The following DMXL1 variants were observed in gnomAD, a reference collection of about 807,000 sequenced individuals.
DMXL1 encodes the protein dmX-like protein 1.
DMXL1 carries 99 observed loss-of-function variants against 319.2 expected under a neutral mutation model. The observed-to-expected ratio is 0.31, with a 90% CI of 0.26 to 0.37. The LOEUF (loss-of-function observed/expected upper bound fraction) is 0.37, where lower values mean the gene tolerates loss of function less well. DMXL1 is among the 10% of genes least tolerant of loss of function. The probability of loss-of-function intolerance (pLI) is 1.00; values close to 1 mark genes in which losing one functional copy is unlikely to be tolerated. For synonymous variants in DMXL1, 1,385 were observed against 1,235.2 expected, an observed-to-expected ratio of 1.12 and a Z score of -2.54; for missense variants, 3,745 against 3,595.6, an observed-to-expected ratio of 1.04 and a Z score of -1.06.
intron 35 of DMXL1, among the ~76,000 whole-genome samples, chr5:119,217,273 T>A (rs1404211466): frequency 1.3e-5 from 2 of 152,214 alleles, no homozygotes; most frequent in Non-Finnish European, 2.9e-5. Flanking sequence ...ACTATAGTAG[T>A]TAACCCACAG....
At chr5:119,157,554 C>T (rs1187088875) in intron 19 of DMXL1, among the ~76,000 whole-genome samples, 1 of 152,136 alleles carries the variant, frequency 6.6e-6, no homozygotes, top group East Asian at 1.9e-4. Context: ...ATCTAGTTTT[C>T]CCAGCACCAT....
chr5:119,237,351 A>T lies in DMXL1; in HGVS notation c.8496A>T (p.Leu2832Phe), dbSNP rs1418334542. 10 of 1,599,578 alleles carry T rather than the reference A, an allele frequency of 6.3e-6. No homozygotes were observed. The South Asian group carries it at 7.9e-5, about 13-fold the overall frequency. Reference sequence around the variant, plus strand: ...GAATAGTTGATGCTGATGGATATTTAAGTTTGTATCAAACAAACTGGAAAT... The same window carrying T: ...GAATAGTTGATGCTGATGGATATTTTAGTTTGTATCAAACAAACTGGAAAT... Reference protein sequence around the residue: ...KFGIVDADGYLSLYQTNWKCC... With the variant: ...KFGIVDADGYFSLYQTNWKCC... Residue 2832 changes from leucine to phenylalanine, a missense_variant, in exon 40 of 44, where the codon TTA becomes TTT. Coordinates refer to ENST00000539542, the MANE Select transcript of DMXL1 (RefSeq NM_001290321.3).
chr5:119,116,092 T>G (rs1760779396), intron 6 of DMXL1, 66 bp from the exon 7 acceptor site: 1 of 1,448,654 alleles, frequency 6.9e-7, no homozygotes, highest in African/African-American at 1.4e-5. Context: ...ATTCTTACTT[T>G]TGCTATTTGA....
intron 25 of DMXL1, among the ~76,000 whole-genome samples, chr5:119,173,797 T>TATATATATATATATATATAA (rs1305561997): frequency 6.9e-5 from 9 of 130,756 alleles, no homozygotes; most frequent in African/African-American, 2.3e-4. Flanking sequence ...TATATATATA[T>TATATATATATATATATATAA]AATGAGAGAG....
chr5:119,171,300 G>A lies in DMXL1; in HGVS notation c.6489+20G>A, dbSNP rs1307051543. The A allele has an allele frequency of 7.7e-6, 12 of 1,553,678 alleles. No homozygotes were observed. The highest frequency in any genetic ancestry group is 5.5e-5 in the African/African-American group (4 of 72,560). ...CAGCAGGTATGTAATTTACTTGATA[G>A]TCAAAAATGGTACATGTCTAAAACT... On this transcript the variant is annotated intron_variant, in intron 24 of 43. Coordinates refer to ENST00000539542, the MANE Select transcript of DMXL1 (RefSeq NM_001290321.3).
chr5:119,114,595 CT>C, intron 6 of DMXL1, 54 bp downstream of exon 6: 1 of 1,115,212 alleles, frequency 9.0e-7, no homozygotes, highest in Non-Finnish European at 1.3e-6. Flanking sequence ...TACTTTGAAA[CT>C]TTAAAAACAT....
At chr5:119,184,019 A>G (rs1260884562) in intron 28 of DMXL1, among the ~76,000 whole-genome samples, 1 of 151,126 alleles carries the variant, frequency 6.6e-6, no homozygotes, top group African/African-American at 2.4e-5. Context: ...TGCAACATTC[A>G]TTTATCTGAC....
chr5:119,124,684 G>C (rs1210376451), intron 9 of DMXL1, among the ~76,000 whole-genome samples: 4 of 150,366 alleles, frequency 2.7e-5, no homozygotes, highest in Non-Finnish European at 4.4e-5. Flanking sequence ...TTCTGCCTCA[G>C]CCTCCTGAGT....
At chr5:119,204,238 A>G (rs1038025380) in intron 33 of DMXL1, among the ~76,000 whole-genome samples, 1 of 151,814 alleles carries the variant, frequency 6.6e-6, no homozygotes, top group Non-Finnish European at 1.5e-5. Flanking sequence ...CCCAGGCTCA[A>G]GCGATCCTCC....
At chr5:119,096,328 G>T (rs996276343) in intron 1 of DMXL1, among the ~76,000 whole-genome samples, 1 of 151,658 alleles carries the variant, frequency 6.6e-6, no homozygotes, top group Non-Finnish European at 1.5e-5. Flanking sequence ...AGGCATGCAC[G>T]ACCATGCCCG....
At chr5:119,132,642 A>T (rs1561673767) in intron 10 of DMXL1, 2 of 388,558 alleles carry the variant, frequency 5.1e-6, no homozygotes, top group Middle Eastern at 9.1e-4. Flanking sequence ...ACGCCACTGT[A>T]CTCCAGCTGG....
At chr5:119,223,449 G>A (rs1177135562) in intron 37 of DMXL1, among the ~76,000 whole-genome samples, 3 of 152,140 alleles carry the variant, frequency 2.0e-5, no homozygotes, top group African/African-American at 7.2e-5. Flanking sequence ...AACTAGAATG[G>A]TATTGGACGT....
chr5:119,222,527 C>T (rs1055364699), intron 37 of DMXL1, among the ~76,000 whole-genome samples: 1 of 152,090 alleles, frequency 6.6e-6, no homozygotes, highest in Non-Finnish European at 1.5e-5. Flanking sequence ...GTGCATAGGA[C>T]TAATAGGCAC....
chr5:119,218,010 C>T (rs1049514335), intron 35 of DMXL1, among the ~76,000 whole-genome samples: 2 of 152,010 alleles, frequency 1.3e-5, no homozygotes, highest in African/African-American at 2.4e-5. Flanking sequence ...CTGTTTGAAA[C>T]AGGCAAATCT....
chr5:119,097,220 GGT>G (rs563719962), intron 1 of DMXL1, among the ~76,000 whole-genome samples: 1 of 152,228 alleles, frequency 6.6e-6, no homozygotes, highest in Non-Finnish European at 1.5e-5. Context: ...ACCATGGTAA[GGT>G]GTTGAGATTT....
chr5:119,199,149 A>G (rs1162693896), intron 32 of DMXL1, among the ~76,000 whole-genome samples: 8 of 151,892 alleles, frequency 5.3e-5, no homozygotes, highest in Non-Finnish European at 1.0e-4. Context: ...CAGCCCCCCA[A>G]AGTGCTGGGA....
chr5:119,155,758 T>C lies in DMXL1; in HGVS notation c.4702+3722T>C, dbSNP rs970551057. 4.2e-5 allele frequency among the ~76,000 whole-genome samples: 6 copies of C among 142,026 alleles called. No homozygotes were observed. In the South Asian group the frequency reaches 1.1e-3, roughly 27 times the overall value. 93.2% of individuals were successfully genotyped at this position (142,026 alleles called of 152,430 possible). ...AGGAATATCACTTGAGTCCAGGAGG[T>C]CAAGACTGCAACGAGCTATGATCAC... On this transcript the variant is annotated intron_variant, in intron 19 of 43. Transcript: ENST00000539542.
chr5:119,143,990 TA>T, intron 14 of DMXL1, 60 bp downstream of exon 14: 1 of 1,054,224 alleles, frequency 9.5e-7, no homozygotes, highest in Non-Finnish European at 1.4e-6. Flanking sequence ...GCATTTTGCA[TA>T]AAATCTATAT....
At chr5:119,103,489 T>G (rs1387909218) in intron 3 of DMXL1, among the ~76,000 whole-genome samples, 1 of 152,226 alleles carries the variant, frequency 6.6e-6, no homozygotes, top group African/African-American at 2.4e-5. Flanking sequence ...AAGCAGCTGT[T>G]AAGCCACAGA....
Sources: gnomAD v4.1 joint callset for allele counts (sites outside exome capture counted in the v4.1 genomes callset) on GRCh38, gnomAD v4.1.1 for gene constraint, MANE v1.5 for transcripts, NCBI Gene and HGNC (gene_info 2026-07-23, HGNC 2026-07-21) for gene names.